GSPT1: variants seen among roughly 807,000 people sequenced by gnomAD.
The protein encoded by GSPT1 is G1 to S phase transition 1.
A neutral mutation model predicts 72.5 loss-of-function variants in GSPT1; 20 were observed. That is an observed-to-expected ratio of 0.28 (90% CI 0.19 to 0.40). The LOEUF (loss-of-function observed/expected upper bound fraction) is 0.40. Ranked by LOEUF, GSPT1 falls within the 10% of genes least tolerant of loss-of-function variation. The probability of loss-of-function intolerance (pLI) is 1.00; values close to 1 mark genes in which losing one functional copy is unlikely to be tolerated. For synonymous variants in GSPT1, 334 were observed against 293.5 expected (o/e 1.14, Z -1.41); for missense variants, 580 against 811.9 (o/e 0.71, Z 3.47).
chr16:11,892,849 A>AAAAAG, intron 5 of GSPT1, among the ~76,000 whole-genome samples: 1 of 149,674 alleles, frequency 6.7e-6, no homozygotes, highest in East Asian at 1.9e-4. Context: ...AAAAAAAAAA[A>AAAAAG]AAAAAAGAAA....
At position 11,869,596 on chromosome 16, in the gene GSPT1, G is replaced by A. The variant is rs535634514; in HGVS notation, c.*3523C>T. On this transcript the variant is annotated 3_prime_UTR_variant, in exon 15 of 15. Coordinates refer to ENST00000434724, the MANE Select transcript of GSPT1 (RefSeq NM_002094.4). ...ACAAAGGGTTTTAAAGTTGAAAGTTGCCTGATGTTAAGACCTGTAATAAAA... is the reference window on the plus strand; with the variant it reads ...ACAAAGGGTTTTAAAGTTGAAAGTTACCTGATGTTAAGACCTGTAATAAAA... 3 of 152,332 alleles carry A rather than the reference G, an allele frequency of 2.0e-5. No individual in the cohort carries two copies. The highest frequency in any genetic ancestry group is 7.2e-5 in the African/African-American group (3 of 41,588). The allele number at this position is 152,332 out of a possible 1,614,324, so 9.4% of individuals were successfully genotyped here.
chr16:11,868,754 C>T lies in GSPT1; in HGVS notation c.*4365G>A, dbSNP rs890164147. ...AAGATGTCATTCCACCTGTGCTGTCCACAAACCTGAGGTTTCCACATCGTT... is the reference window on the plus strand; with the variant it reads ...AAGATGTCATTCCACCTGTGCTGTCTACAAACCTGAGGTTTCCACATCGTT... On this transcript the variant is annotated 3_prime_UTR_variant, in exon 15 of 15. Transcript: ENST00000434724. 3.9e-5 allele frequency: 6 copies of T among 152,176 alleles called. No homozygotes were observed. Among genetic ancestry groups the T allele is most frequent in the Non-Finnish European group, 7.3e-5 (5 of 68,034 alleles). 9.4% of individuals were successfully genotyped at this position (152,176 alleles called of 1,614,324 possible).
intron 14 of GSPT1, among the ~76,000 whole-genome samples, chr16:11,875,325 T>C (rs1017237192): frequency 9.2e-5 from 14 of 151,936 alleles, no homozygotes; most frequent in Non-Finnish European, 1.5e-4. Flanking sequence ...GACCCCAAGA[T>C]GGGAATGTTA....
intron 11 of GSPT1, chr16:11,881,336 G>A (rs2054119859): frequency 6.6e-6 from 1 of 152,086 alleles, no homozygotes; most frequent in African/African-American, 2.4e-5. Flanking sequence ...AGCTTCCACA[G>A]AGAACAGCTA....
intron 3 of GSPT1, among the ~76,000 whole-genome samples, chr16:11,897,267 AAAGG>A (rs1436338478): frequency 2.6e-5 from 4 of 152,220 alleles, no homozygotes; most frequent in Admixed American, 1.3e-4. Context: ...AAAGTTATAA[AAAGG>A]AAGAACATTT....
intron 7 of GSPT1, among the ~76,000 whole-genome samples, 200 bp from the exon 8 acceptor site, chr16:11,887,131 C>G (rs920723152): frequency 5.9e-5 from 9 of 151,800 alleles, no homozygotes; most frequent in Non-Finnish European, 1.3e-4. Context: ...CCCACATTCC[C>G]AAAATCTAGT....
At position 11,869,801 on chromosome 16, in the gene GSPT1, C is replaced by A. The variant is rs75020143; in HGVS notation, c.*3318G>T. The A allele has an allele frequency of 1.3e-5, 2 of 152,174 alleles. No homozygotes were observed. Among genetic ancestry groups the A allele is most frequent in the African/African-American group, 2.4e-5 (1 of 41,434 alleles). 9.4% of individuals were successfully genotyped at this position (152,174 alleles called of 1,614,324 possible). On this transcript the variant is annotated 3_prime_UTR_variant, in exon 15 of 15. Transcript: ENST00000434724. ...AGTCATTACTAGTGTTCCTGCAGAT[C>A]GCCAAGGGAGCTTAGCTGATTTTTT...
chr16:11,900,075 T>C (rs1435621950), intron 1 of GSPT1, among the ~76,000 whole-genome samples: 1 of 152,168 alleles, frequency 6.6e-6, no homozygotes, highest in African/African-American at 2.4e-5. Flanking sequence ...GGCTCACACC[T>C]GTAATCCCAA....
intron 5 of GSPT1, among the ~76,000 whole-genome samples, chr16:11,892,506 C>CAAAAAAAAAAAAAAAAAAAAAAA (rs777010436): frequency 1.3e-4 from 8 of 60,218 alleles, no homozygotes; most frequent in East Asian, 1.1e-3. Flanking sequence ...GACCCTTTCT[C>CAAAAAAAAAAAAAAAAAAAAAAA]AAAAAAACAA....
At chr16:11,899,961 C>T (rs1360483626) in intron 1 of GSPT1, among the ~76,000 whole-genome samples, 1 of 152,118 alleles carries the variant, frequency 6.6e-6, no homozygotes, top group Non-Finnish European at 1.5e-5. Context: ...TGTTTAGTGT[C>T]AGTTAAAGAA....
Position 11,886,833 on chromosome 16 carries a change from G to C in GSPT1, c.1056C>G (p.His352Gln). The C allele has an allele frequency of 1.2e-6, 2 of 1,613,300 alleles. No individual in the cohort carries two copies. The highest frequency in any genetic ancestry group is 1.7e-6 in the Non-Finnish European group (2 of 1,179,342). Reference protein sequence around the residue: ...AMLAKTAGVKHLIVLINKMDD... With the variant: ...AMLAKTAGVKQLIVLINKMDD... ...CCATCTTATTAATTAGCACAATTAGGTGTTTTACACCTGCTGTCTTTGCCA... is the reference window on the plus strand; with the variant it reads ...CCATCTTATTAATTAGCACAATTAGCTGTTTTACACCTGCTGTCTTTGCCA... The change falls in exon 8 of 15, where the codon CAC becomes CAG. Residue 352 changes from histidine (H) to glutamine (Q), a missense_variant. His to Gln is a conservative substitution (Grantham distance 24, BLOSUM62 0). Transcript: ENST00000434724.
chr16:11,894,370 T>C (rs1178618081), intron 5 of GSPT1, among the ~76,000 whole-genome samples: 2 of 151,906 alleles, frequency 1.3e-5, no homozygotes, highest in Non-Finnish European at 2.9e-5. Context: ...CTAGGAAATT[T>C]CTATAATACG....
At chr16:11,886,250 G>C (rs190932736) in intron 9 of GSPT1, among the ~76,000 whole-genome samples, 11 of 152,104 alleles carry the variant, frequency 7.2e-5, no homozygotes, top group Non-Finnish European at 1.3e-4. Context: ...GTATTAAAAA[G>C]AACTCTTAGG....
At chr16:11,887,521 A>T (rs751706791) in intron 7 of GSPT1, 49 bp downstream of exon 7, 1 of 1,441,450 alleles carries the variant, frequency 6.9e-7, no homozygotes, top group African/African-American at 1.4e-5. Flanking sequence ...TAAAGATATA[A>T]GCGGGGCTAC....
At chr16:11,898,446 T>C (rs1452077207) in intron 1 of GSPT1, among the ~76,000 whole-genome samples, 1 of 148,838 alleles carries the variant, frequency 6.7e-6, no homozygotes, top group African/African-American at 2.5e-5. Flanking sequence ...TAGCCCTTTT[T>C]TTTTTTTTTT....
intron 1 of GSPT1, among the ~76,000 whole-genome samples, chr16:11,902,746 C>T (rs779127356): frequency 8.6e-5 from 13 of 151,920 alleles, no homozygotes; most frequent in Non-Finnish European, 1.8e-4. Context: ...GCCACCACAC[C>T]CAGCTAATTT....
chr16:11,916,127 G>C, upstream of GSPT1: 2 of 411,582 alleles, frequency 4.9e-6, no homozygotes, highest in South Asian at 1.7e-5. Flanking sequence ...TTCCGGCAGC[G>C]CCCGCGCTAC....
At chr16:11,881,419 G>A (rs1379527730) in intron 11 of GSPT1, 7 of 152,052 alleles carry the variant, frequency 4.6e-5, no homozygotes, top group Non-Finnish European at 4.4e-5. Flanking sequence ...TATGTTTAGA[G>A]AATCATACTT....
Position 11,875,810 on chromosome 16 carries a change from C to A in GSPT1, c.1812G>T (p.Glu604Asp), listed in dbSNP as rs1222036192. ...CCATCTGAGGGAAGTCTTTAAAGGT[C>A]TCAAGGCAGATGGTTCCTGCTGTCC... is the stretch of plus-strand genomic sequence containing the variant. ...RLRTAGTICL[E>D]TFKDFPQMGR... Residue 604 changes from glutamate to aspartate, a missense_variant, in exon 14 of 15, where the codon GAG (glutamate) becomes GAT (aspartate). Physicochemically the swap from Glu to Asp is conservative, Grantham distance 45. Transcript: ENST00000434724. 6.2e-7 allele frequency: 1 copy of A among 1,613,646 alleles called. No homozygotes were observed. The highest frequency in any genetic ancestry group is 8.5e-7 in the Non-Finnish European group (1 of 1,179,926).
Sources: allele counts gnomAD v4.1 joint callset (sites outside exome capture counted in the v4.1 genomes callset), GRCh38; gene constraint gnomAD v4.1.1; transcripts MANE v1.5; gene names NCBI Gene and HGNC (gene_info 2026-07-23, HGNC 2026-07-21).